Variants in KSR2 observed in about 807,000 individuals in gnomAD.
KSR2 encodes kinase suppressor of ras 2.
Under a neutral mutation model 107.8 loss-of-function variants are expected in KSR2, and 25 were observed. The observed-to-expected ratio is 0.23, with a 90% CI of 0.17 to 0.32. The LOEUF is 0.32. KSR2 is among the 10% of genes least tolerant of loss of function. The probability of loss-of-function intolerance (pLI) is 1.00; values close to 1 mark genes in which losing one functional copy is unlikely to be tolerated. For synonymous variants in KSR2, 480 were observed against 507.0 expected (o/e 0.95, Z 0.71); for missense variants, 887 against 1,268.9 (o/e 0.70, Z 4.57).
chr12:117,917,605 GAAAC>G (rs909142051), intron 1 of KSR2, among the ~76,000 whole-genome samples: 19 of 152,292 alleles, frequency 1.2e-4, no homozygotes, highest in African/African-American at 4.3e-4. Context: ...TCAAGTTGAA[GAAAC>G]ACCAGGGCAT....
chr12:117,820,567 TG>T (rs1891530761), intron 3 of KSR2, among the ~76,000 whole-genome samples: 1 of 152,162 alleles, frequency 6.6e-6, no homozygotes, highest in South Asian at 2.1e-4. Context: ...CTCCAGACCC[TG>T]GGGAAGGAGG....
intron 7 of KSR2, among the ~76,000 whole-genome samples, chr12:117,564,860 T>C (rs148448741): frequency 6.6e-6 from 1 of 152,340 alleles, no homozygotes; most frequent in Non-Finnish European, 1.5e-5. Flanking sequence ...TTCTAATCCC[T>C]ATCAAAACGT....
intron 8 of KSR2, among the ~76,000 whole-genome samples, chr12:117,555,722 C>T (rs1015566471): frequency 1.3e-5 from 2 of 152,198 alleles, no homozygotes; most frequent in Non-Finnish European, 2.9e-5. Flanking sequence ...GCCTAAGCAG[C>T]CTGCCGCACA....
intron 9 of KSR2, among the ~76,000 whole-genome samples, chr12:117,542,550 A>G (rs1425671460): frequency 6.6e-6 from 1 of 152,130 alleles, no homozygotes; most frequent in Non-Finnish European, 1.5e-5. Flanking sequence ...TTGCCCGTTT[A>G]TAGCCATACC....
intron 3 of KSR2, among the ~76,000 whole-genome samples, chr12:117,819,008 T>A (rs1197911320): frequency 6.6e-6 from 1 of 152,092 alleles, no homozygotes; most frequent in East Asian, 1.9e-4. Context: ...CTTATACCCC[T>A]TTTTTCCAGA....
intron 1 of KSR2, among the ~76,000 whole-genome samples, chr12:117,896,127 T>C (rs1021382336): frequency 3.3e-5 from 5 of 152,076 alleles, no homozygotes; most frequent in African/African-American, 1.2e-4. Context: ...AACCCAAATG[T>C]CCATCAACAA....
At chr12:117,677,215 G>A (rs942134950) in intron 4 of KSR2, 13 of 152,178 alleles carry the variant, frequency 8.5e-5, no homozygotes, top group African/African-American at 2.7e-4. Flanking sequence ...GTTATGGGCT[G>A]AATTTTGTCC....
intron 1 of KSR2, among the ~76,000 whole-genome samples, chr12:117,950,737 TAA>T (rs1183707257): frequency 3.1e-5 from 4 of 127,772 alleles, no homozygotes; most frequent in African/African-American, 9.3e-5. Context: ...CAAGACTCTG[TAA>T]AAAAAAAAAA....
chr12:117,637,502 C>T (rs565539528), intron 5 of KSR2, among the ~76,000 whole-genome samples: 1 of 152,228 alleles, frequency 6.6e-6, no homozygotes, highest in Non-Finnish European at 1.5e-5. Flanking sequence ...TGCAGATGTG[C>T]AGACTCTCAG....
chr12:117,724,340 C>T (rs1221323161), intron 4 of KSR2, among the ~76,000 whole-genome samples: 1 of 147,168 alleles, frequency 6.8e-6, no homozygotes, highest in Admixed American at 6.8e-5. Flanking sequence ...AGAAAAATAA[C>T]ATATATCTAC....
chr12:117,966,134 T>G (rs1237438647), intron 1 of KSR2, among the ~76,000 whole-genome samples: 1 of 151,892 alleles, frequency 6.6e-6, no homozygotes, highest in Non-Finnish European at 1.5e-5. Flanking sequence ...GGAAAACCAC[T>G]AGGCAGAAAG....
chr12:117,876,196 A>T (rs921782473), intron 1 of KSR2, among the ~76,000 whole-genome samples: 9 of 152,244 alleles, frequency 5.9e-5, no homozygotes, highest in African/African-American at 2.2e-4. Context: ...GACCATTGTC[A>T]TAACATCCCT....
intron 3 of KSR2, among the ~76,000 whole-genome samples, chr12:117,849,204 G>A (rs529907764): frequency 3.3e-5 from 5 of 152,136 alleles, no homozygotes; most frequent in South Asian, 2.1e-4. Flanking sequence ...TACCAACCCC[G>A]CTTAGCCTGC....
At chr12:117,816,189 A>C (rs945230630) in intron 3 of KSR2, among the ~76,000 whole-genome samples, 3 of 152,056 alleles carry the variant, frequency 2.0e-5, no homozygotes, top group African/African-American at 7.2e-5. Flanking sequence ...TAAATTATAA[A>C]AATGCCATGC....
chr12:117,741,808 C>T (rs777017902), intron 4 of KSR2, among the ~76,000 whole-genome samples: 2 of 152,168 alleles, frequency 1.3e-5, no homozygotes, highest in Non-Finnish European at 2.9e-5. Context: ...TTGAAAATCA[C>T]CATTTGGAAA....
chr12:117,907,976 A>T lies in KSR2; in HGVS notation c.181-47545T>A, dbSNP rs527985267. 6.6e-6 allele frequency among the ~76,000 whole-genome samples: 1 copy of T among 152,294 alleles called. No homozygotes were observed. On this transcript the variant is annotated intron_variant, in intron 1 of 19. Transcript: ENST00000339824. The surrounding 1 kb of genome is among the most constrained non-coding windows in gnomAD (Gnocchi z 4.3). ...TATTGGAAGATTCAGGTTGGGTAAAACTAAAGGGATAATTAGTTTCCAAGA... is the reference window on the plus strand; with the variant it reads ...TATTGGAAGATTCAGGTTGGGTAAATCTAAAGGGATAATTAGTTTCCAAGA...
intron 5 of KSR2, among the ~76,000 whole-genome samples, chr12:117,621,199 A>G (rs533566891): frequency 6.0e-4 from 92 of 152,262 alleles, no homozygotes; most frequent in African/African-American, 1.9e-3. Context: ...GTGCTTTCAC[A>G]TGCTCTCTCT....
chr12:117,485,524 G>T, intron 15 of KSR2, 71 bp downstream of exon 15: 1 of 1,150,778 alleles, frequency 8.7e-7, no homozygotes, highest in Admixed American at 1.7e-5. Flanking sequence ...GAGCCCTGGG[G>T]TAGGGGGGCT....
chr12:117,946,026 T>C (rs1205737336), intron 1 of KSR2, among the ~76,000 whole-genome samples: 1 of 152,024 alleles, frequency 6.6e-6, no homozygotes, highest in African/African-American at 2.4e-5. Flanking sequence ...TATTATGAAC[T>C]GGAAAACAAT....
Sources: allele counts gnomAD v4.1 joint callset (sites outside exome capture counted in the v4.1 genomes callset), GRCh38; gene constraint gnomAD v4.1.1; non-coding constraint Gnocchi (gnomAD v3.1); transcripts MANE v1.5; gene names NCBI Gene and HGNC (gene_info 2026-07-23, HGNC 2026-07-21).